MX1: variants seen among roughly 807,000 people sequenced by gnomAD.
The protein encoded by MX1 is MX dynamin like GTPase 1, also known as interferon-induced GTP-binding protein Mx1.
MX1 carries 66 observed loss-of-function variants against 66.4 expected under a neutral mutation model. That is an observed-to-expected ratio of 0.99 (90% confidence interval 0.82 to 1.22). MX1 has a LOEUF of 1.22. MX1 is among the 50% of genes most tolerant of loss of function. The pLI, the probability that MX1 is intolerant of heterozygous loss-of-function variation, is 0.00. For synonymous variants in MX1, 311 were observed against 318.1 expected, an observed-to-expected ratio of 0.98 and a Z score of 0.24; for missense variants, 787 against 834.3, an observed-to-expected ratio of 0.94 and a Z score of 0.70.
intron 7 of MX1, among the ~76,000 whole-genome samples, chr21:41,438,953 C>A (rs1361112805): frequency 6.6e-6 from 1 of 152,096 alleles, no homozygotes; most frequent in Non-Finnish European, 1.5e-5. Flanking sequence ...TGGCAAGGGG[C>A]ATATCTCTGC....
In MX1 at chr21:41,458,795, C is replaced by T. The variant is rs781199582; in HGVS notation, c.*37C>T. On this transcript the variant is annotated 3_prime_UTR_variant, in exon 17 of 17. Transcript: ENST00000398598. ...CCAGCCCCGTAGACGTGCACGCACA[C>T]TGTCTGCCCCCGTTCCCGGGTAGCC... 1.3e-5 allele frequency: 21 copies of T among 1,587,728 alleles called. 1 individual carries two copies. The South Asian group carries it at 1.6e-4, about 12-fold the overall frequency.
intron 13 of MX1, among the ~76,000 whole-genome samples, chr21:41,446,429 A>C (rs364105): frequency 0.53 from 79,734 of 151,824 alleles, 21,496 homozygotes; most frequent in Non-Finnish European, 0.6. Context: ...CCAGACAAAA[A>C]GAATATTGCA....
At chr21:41,432,815 C>G (rs1236011751) in intron 5 of MX1, among the ~76,000 whole-genome samples, 4 of 152,176 alleles carry the variant, frequency 2.6e-5, no homozygotes, top group Non-Finnish European at 4.4e-5. Flanking sequence ...CCGTGGATCA[C>G]TGGTCTGTTT....
intron 5 of MX1, among the ~76,000 whole-genome samples, chr21:41,433,097 G>C (rs1439019475): frequency 1.3e-5 from 2 of 152,258 alleles, no homozygotes; most frequent in Non-Finnish European, 2.9e-5. Flanking sequence ...GGAGAACAGA[G>C]TGTGTCTCGT....
intron 13 of MX1, among the ~76,000 whole-genome samples, chr21:41,448,504 C>T (rs914340948): frequency 1.3e-5 from 2 of 152,096 alleles, no homozygotes; most frequent in African/African-American, 2.4e-5. Flanking sequence ...TACTCGAGTA[C>T]GTTTTTAAGA....
At chr21:41,430,019 T>G (rs1377568390) in intron 3 of MX1, 1 of 152,158 alleles carries the variant, frequency 6.6e-6, no homozygotes, top group Non-Finnish European at 1.5e-5. Flanking sequence ...AGGATAGTTT[T>G]AAGTATTGGT....
intron 13 of MX1, among the ~76,000 whole-genome samples, chr21:41,447,559 AT>A (rs547282329): frequency 3.7e-4 from 56 of 152,288 alleles, no homozygotes; most frequent in Non-Finnish European, 7.1e-4. Flanking sequence ...TTGATAGAAA[AT>A]GGCTAGAACA....
rs151250337 is a variant in MX1, at chr21:41,439,728, C to A, written c.471C>A (p.Ile157=). The A allele has an allele frequency of 3.0e-5, 48 of 1,614,016 alleles. No individual in the cohort carries two copies. The African/African-American group carries it at 5.1e-4, about 17-fold the overall frequency. Residue 157 remains isoleucine, a synonymous_variant, in exon 8 of 17, where the codon ATC becomes ATA. Coordinates refer to ENST00000398598, the MANE Select transcript of MX1 (RefSeq NM_002462.5). ...CCATCGCCGGGGAAGGAATGGGAAT[C>A]AGTCATGAGCTAATCACCCTGGAGA... ...QNAIAGEGMG[I]SHELITLEIS...
chr21:41,423,574 T>C (rs1049480827), upstream of MX1, among the ~76,000 whole-genome samples: 1 of 152,198 alleles, frequency 6.6e-6, no homozygotes, highest in African/African-American at 2.4e-5. Context: ...AAGCCCTGTG[T>C]TTAAAGGTGG....
chr21:41,455,637 G>A lies in MX1; in HGVS notation c.1758+2768G>A, dbSNP rs868728255. On this transcript the variant is annotated intron_variant, in intron 16 of 16. Coordinates refer to ENST00000398598, the MANE Select transcript of MX1 (RefSeq NM_002462.5). ...TATAATGGTTTTTACACAAAGGTTA[G>A]CAGAGGAGTGGACGTGCTGCTCTGT... Among the ~76,000 whole-genome samples, 83 of 152,224 alleles carry A rather than the reference G, an allele frequency of 5.5e-4. 1 individual carries two copies. Among genetic ancestry groups the A allele is most frequent in the African/African-American group, 1.9e-3 (79 of 41,456 alleles).
Position 41,437,065 on chromosome 21 carries a change from G to C in MX1, c.349G>C (p.Glu117Gln). ...GCTGAAACTGAAGAAACTTGTGAAC[G>C]AAGATAAGTGGAGAGGCAAGGTCAG... Reference protein sequence around the residue: ...LVLKLKKLVNEDKWRGKVSYQ... With the variant: ...LVLKLKKLVNQDKWRGKVSYQ... Residue 117 changes from glutamate (E) to glutamine (Q), a missense_variant, in exon 7 of 17, where the codon GAA becomes CAA. Physicochemically the swap from Glu to Gln is conservative, Grantham distance 29 (BLOSUM62 2). Coordinates refer to ENST00000398598, the MANE Select transcript of MX1 (RefSeq NM_002462.5). 1 of 1,613,990 alleles carries C rather than the reference G, an allele frequency of 6.2e-7. No individual in the cohort carries two copies. Among genetic ancestry groups the C allele is most frequent in the Non-Finnish European group, 8.5e-7 (1 of 1,179,910 alleles).
At chr21:41,452,483 G>C (rs1045374692) in intron 15 of MX1, 138 bp from the exon 16 acceptor site, 7 of 957,862 alleles carry the variant, frequency 7.3e-6, no homozygotes, top group Non-Finnish European at 1.1e-5. Flanking sequence ...CCAGGGCGCG[G>C]CCCAGAGGGC....
chr21:41,435,780 C>G, intron 5 of MX1, 57 bp from the exon 6 acceptor site: 11 of 1,561,464 alleles, frequency 7.0e-6, no homozygotes, highest in Non-Finnish European at 9.6e-6. Flanking sequence ...AGAACCAAAC[C>G]ATATCATGAG....
intron 10 of MX1, among the ~76,000 whole-genome samples, chr21:41,443,229 T>C (rs1035863622): frequency 2.0e-5 from 3 of 152,214 alleles, no homozygotes; most frequent in Non-Finnish European, 4.4e-5. Flanking sequence ...AAATGTCCTA[T>C]AAAATGTGGG....
chr21:41,424,003 G>C (rs1003082308), upstream of MX1, among the ~76,000 whole-genome samples: 3 of 152,168 alleles, frequency 2.0e-5, no homozygotes, highest in Admixed American at 1.3e-4. Context: ...GATTTTGTTC[G>C]TGAACAAGGG....
chr21:41,446,837 T>G (rs1024314881), intron 13 of MX1, among the ~76,000 whole-genome samples: 2 of 152,176 alleles, frequency 1.3e-5, no homozygotes, highest in African/African-American at 4.8e-5. Context: ...GACACCAACA[T>G]GTAGACCATA....
Position 41,455,982 on chromosome 21 carries a change from C to T in MX1, c.1759-2546C>T, listed in dbSNP as rs144146333. Among the ~76,000 whole-genome samples, 688 of 152,270 alleles carry T rather than the reference C, an allele frequency of 4.5e-3. 5 individuals carry two copies. Among genetic ancestry groups the T allele is most frequent in the African/African-American group, 0.016 (648 of 41,566 alleles). On this transcript the variant is annotated intron_variant, in intron 16 of 16. Coordinates refer to ENST00000398598, the MANE Select transcript of MX1 (RefSeq NM_002462.5). ...TTCAGCCAGGCATGGTGGCTCATGCCTGTAATCCCGGCACTCTGGAAGGCT... is the reference window on the plus strand; with the variant it reads ...TTCAGCCAGGCATGGTGGCTCATGCTTGTAATCCCGGCACTCTGGAAGGCT...
At chr21:41,427,915 C>CT (rs542399481) in intron 3 of MX1, 49 bp downstream of exon 3, 1,536 of 152,140 alleles carry the variant, frequency 0.01, 12 homozygotes, top group Admixed American at 0.017. Context: ...TTCTTTCTTT[C>CT]TTTTTTTTGA....
At chr21:41,429,334 C>T (rs867725275) in intron 3 of MX1, 9 of 152,188 alleles carry the variant, frequency 5.9e-5, no homozygotes, top group Non-Finnish European at 1.2e-4. Context: ...CAGAGAATCT[C>T]ATTTTATGAA....
Sources: allele counts gnomAD v4.1 joint callset (sites outside exome capture counted in the v4.1 genomes callset), GRCh38; gene constraint gnomAD v4.1.1; transcripts MANE v1.5; gene names NCBI Gene and HGNC (gene_info 2026-07-23, HGNC 2026-07-21).